IL25: variants seen among roughly 807,000 people sequenced by gnomAD.
IL25 encodes the protein interleukin-25.
Under a neutral mutation model 13.2 loss-of-function variants are expected in IL25, and 10 were observed. The observed-to-expected ratio is 0.76, with a 90% CI of 0.47 to 1.29. IL25 has a LOEUF of 1.29. Ranked by LOEUF, IL25 falls within the 50% of genes most tolerant of loss-of-function variation. The pLI, the probability that IL25 is intolerant of heterozygous loss-of-function variation, is 0.00. For synonymous variants in IL25, 107 were observed against 92.1 expected (o/e 1.16, Z -0.93); for missense variants, 235 against 232.4 (o/e 1.01, Z -0.07).
At chr14:23,375,239 C>G (rs1471462172) in intron 1 of IL25, among the ~76,000 whole-genome samples, 2 of 151,820 alleles carry the variant, frequency 1.3e-5, no homozygotes, top group Non-Finnish European at 2.9e-5. Context: ...TACTCCGTCT[C>G]AAAAAAACAA....
chr14:23,373,193 A>G (rs1890458745), exon 1 of IL25: 1 of 1,614,152 alleles, frequency 6.2e-7, no homozygotes, highest in Non-Finnish European at 8.5e-7. Flanking sequence ...CATTCTTGGC[A>G]ATGGTCATGG....
At chr14:23,375,899 G>A (rs1320297525) in exon 2 of IL25, 3 of 1,609,262 alleles carry the variant, frequency 1.9e-6, no homozygotes, top group East Asian at 2.2e-5. Context: ...GCTGGAGGCT[G>A]GTCCCTTTTT....
exon 1 of IL25, chr14:23,373,362 C>T: frequency 6.2e-7 from 1 of 1,613,548 alleles, no homozygotes; most frequent in Non-Finnish European, 8.5e-7. Context: ...AGATGGACCC[C>T]TCAACAGCAG....
At chr14:23,375,955 GGATGCCCA>G in exon 2 of IL25, 3 of 1,560,946 alleles carry the variant, frequency 1.9e-6, no homozygotes, top group Non-Finnish European at 2.6e-6. Context: ...TGAAGGGCCA[GGATGCCCA>G]GATGCTTGGC....
At chr14:23,372,865 T>C in exon 1 of IL25, 1 of 1,082,686 alleles carries the variant, frequency 9.2e-7, no homozygotes, top group Non-Finnish European at 1.4e-6. Context: ...AAAACAGGCT[T>C]GCTGAAAATA....
At position 23,375,620 on chromosome 14, in the gene IL25, C is replaced by A. The variant is rs1890526482; in HGVS notation, c.279-5C>A. 1.2e-6 allele frequency: 2 copies of A among 1,611,436 alleles called. No individual in the cohort carries two copies. The highest frequency in any genetic ancestry group is 8.5e-7 in the Non-Finnish European group (1 of 1,177,920). On this transcript the variant is annotated splice_polypyrimidine_tract_variant and splice_region_variant and intron_variant, in intron 1 of 1. Transcript: ENST00000329715. The stretch of plus-strand genomic sequence containing the variant: ...TCCAAGGCCTGACAAGTGCCGCCCC[C>A]ACAGGTTGGACAGAGACTTGAACCG...
intron 1 of IL25, among the ~76,000 whole-genome samples, chr14:23,374,141 G>A (rs1890480486): frequency 1.3e-5 from 2 of 152,072 alleles, no homozygotes; most frequent in African/African-American, 4.8e-5. Flanking sequence ...CAGTGGTGGG[G>A]AGGGGGTCAG....
chr14:23,375,813 G>A, exon 2 of IL25: 1 of 1,614,262 alleles, frequency 6.2e-7, no homozygotes, highest in Non-Finnish European at 8.5e-7. Flanking sequence ...AAGGGCTACT[G>A]CCTGGAGCGC....
chr14:23,374,845 T>C (rs933686789), intron 1 of IL25, among the ~76,000 whole-genome samples: 2 of 151,976 alleles, frequency 1.3e-5, no homozygotes, highest in Admixed American at 6.6e-5. Flanking sequence ...GTGCAGGAAA[T>C]AGTTGAGGAT....
At chr14:23,375,537 C>T (rs1890522608) in intron 1 of IL25, 88 bp from the exon 3 acceptor site, 3 of 1,508,734 alleles carry the variant, frequency 2.0e-6, no homozygotes, top group Non-Finnish European at 9.0e-7. Context: ...CCAGACGGAC[C>T]ATTTCCTTCT....
exon 2 of IL25, chr14:23,375,831 A>G: frequency 6.2e-7 from 1 of 1,614,232 alleles, no homozygotes; most frequent in Non-Finnish European, 8.5e-7. Context: ...CGCAGGCTGT[A>G]CCGTGTTTCC....
At chr14:23,375,971 G>C in exon 2 of IL25, 1 of 1,532,652 alleles carries the variant, frequency 6.5e-7, no homozygotes, top group Non-Finnish European at 8.9e-7. Context: ...CCAGATGCTT[G>C]GCCCCTGTGA....
chr14:23,375,617 C>T lies in IL25; in HGVS notation c.279-8C>T. The stretch of plus-strand genomic sequence containing the variant: ...CTTTCCAAGGCCTGACAAGTGCCGC[C>T]CCCACAGGTTGGACAGAGACTTGAA... On this transcript the variant is annotated splice_polypyrimidine_tract_variant and splice_region_variant and intron_variant, in intron 1 of 1. Transcript: ENST00000329715. 6.2e-7 allele frequency: 1 copy of T among 1,610,868 alleles called. No individual in the cohort carries two copies. Among genetic ancestry groups the T allele is most frequent in the Non-Finnish European group, 8.5e-7 (1 of 1,177,562 alleles).
exon 2 of IL25, chr14:23,375,933 A>G: frequency 6.3e-7 from 1 of 1,590,052 alleles, no homozygotes; most frequent in Non-Finnish European, 8.6e-7. Context: ...CCAGGTGTAC[A>G]ACCACTTGCC....
intron 1 of IL25, 82 bp downstream of exon 2, chr14:23,373,478 A>G: frequency 7.9e-7 from 1 of 1,258,598 alleles, no homozygotes; most frequent in Non-Finnish European, 1.1e-6. Flanking sequence ...ATTCCAGCTT[A>G]CTTTCCCATT....
exon 2 of IL25, chr14:23,375,649 C>T (rs1890527981): frequency 6.2e-7 from 1 of 1,614,022 alleles, no homozygotes; most frequent in Non-Finnish European, 8.5e-7. Flanking sequence ...TGAACCGGCT[C>T]CCCCAGGACC....
intron 1 of IL25, 45 bp from the exon 3 acceptor site, chr14:23,375,580 T>C (rs781471351): frequency 4.4e-6 from 7 of 1,594,266 alleles, no homozygotes; most frequent in Non-Finnish European, 6.0e-6. Flanking sequence ...ACCCTCTCTG[T>C]TTCCGGCCCA....
At chr14:23,373,696 T>G (rs1285236289) in intron 1 of IL25, among the ~76,000 whole-genome samples, 3 of 152,230 alleles carry the variant, frequency 2.0e-5, no homozygotes, top group Non-Finnish European at 4.4e-5. Flanking sequence ...TGTATTTATG[T>G]TGGTTCTCTC....
chr14:23,374,541 C>A (rs761780560), intron 1 of IL25, among the ~76,000 whole-genome samples: 1 of 152,064 alleles, frequency 6.6e-6, no homozygotes, highest in Non-Finnish European at 1.5e-5. Flanking sequence ...ATTTAAGCAC[C>A]CAACAGGTGC....
Sources: allele counts gnomAD v4.1 joint callset (sites outside exome capture counted in the v4.1 genomes callset), GRCh38; gene constraint gnomAD v4.1.1; transcripts MANE v1.5; gene names NCBI Gene and HGNC (gene_info 2026-07-23, HGNC 2026-07-21).